Variants in MCC observed in about 807,000 individuals in gnomAD.
The protein encoded by MCC is colorectal mutant cancer protein.
Under a neutral mutation model 116.2 loss-of-function variants are expected in MCC, and 90 were observed. The observed-to-expected ratio is 0.77, with a 90% CI of 0.65 to 0.92. The LOEUF (loss-of-function observed/expected upper bound fraction) is 0.92, where lower values mean the gene tolerates loss of function less well. Ranked by LOEUF, MCC falls within the 40% of genes least tolerant of loss-of-function variation. The pLI is 0.00. For missense variants in MCC, 1,516 were observed against 1,312.2 expected, an observed-to-expected ratio of 1.16 and a Z score of -2.40; for synonymous variants, 578 against 510.5, an observed-to-expected ratio of 1.13 and a Z score of -1.78.
At chr5:113,074,501 C>T (rs62374676) in intron 11 of MCC, among the ~76,000 whole-genome samples, 2,433 of 152,288 alleles carry the variant, frequency 0.016, 49 homozygotes, top group African/African-American at 0.041. Context: ...GACAGCTCCT[C>T]GCCAGCAATG....
intron 3 of MCC, among the ~76,000 whole-genome samples, chr5:113,174,247 A>G (rs770860322): frequency 3.3e-5 from 5 of 152,112 alleles, no homozygotes; most frequent in Non-Finnish European, 7.4e-5. Flanking sequence ...AATGTTCCCA[A>G]CCTGTCTTCT....
chr5:113,351,431 G>A (rs1006093782), intron 2 of MCC, among the ~76,000 whole-genome samples: 27 of 152,216 alleles, frequency 1.8e-4, no homozygotes, highest in African/African-American at 6.3e-4. Context: ...AATGAAATAA[G>A]CCAGGCACAG....
chr5:113,184,563 A>G (rs1040125723), intron 3 of MCC, among the ~76,000 whole-genome samples: 1 of 149,452 alleles, frequency 6.7e-6, no homozygotes, highest in Non-Finnish European at 1.5e-5. Flanking sequence ...CCTGGGATCA[A>G]GCAATCCTCC....
intron 4 of MCC, among the ~76,000 whole-genome samples, chr5:113,148,046 T>A (rs1157286606): frequency 6.6e-6 from 1 of 152,192 alleles, no homozygotes; most frequent in Non-Finnish European, 1.5e-5. Flanking sequence ...GTTTGACATA[T>A]CTCCTTCTGA....
chr5:113,301,545 G>T (rs1473381620), intron 3 of MCC, among the ~76,000 whole-genome samples: 1 of 152,124 alleles, frequency 6.6e-6, no homozygotes, highest in African/African-American at 2.4e-5. Context: ...AAAGATAGTT[G>T]TAGTTTGTGT....
At chr5:113,197,444 C>T (rs1032706097) in intron 3 of MCC, among the ~76,000 whole-genome samples, 9 of 152,104 alleles carry the variant, frequency 5.9e-5, no homozygotes, top group African/African-American at 2.2e-4. Flanking sequence ...CAACTCTGAA[C>T]ACACTAAAAA....
At chr5:113,367,015 C>T (rs373431004) in intron 2 of MCC, among the ~76,000 whole-genome samples, 6 of 152,062 alleles carry the variant, frequency 3.9e-5, no homozygotes, top group Admixed American at 1.3e-4. Flanking sequence ...GTTGCCCAGA[C>T]TGGTCTCGAA....
intron 5 of MCC, among the ~76,000 whole-genome samples, chr5:113,138,442 A>G (rs1442231478): frequency 6.6e-6 from 1 of 152,228 alleles, no homozygotes; most frequent in Middle Eastern, 3.2e-3. Context: ...GTGCCCTCAT[A>G]TGAAGATACA....
At chr5:113,283,847 T>C (rs1328538462) in intron 3 of MCC, among the ~76,000 whole-genome samples, 2 of 152,228 alleles carry the variant, frequency 1.3e-5, no homozygotes, top group Non-Finnish European at 2.9e-5. Context: ...CACTTACATG[T>C]GTAAACTTAG....
intron 8 of MCC, among the ~76,000 whole-genome samples, chr5:113,093,268 G>C (rs1755768134): frequency 6.6e-6 from 1 of 152,142 alleles, no homozygotes; most frequent in Non-Finnish European, 1.5e-5. Flanking sequence ...TCTCTGTCCT[G>C]AGTGCCAAAT....
At chr5:113,071,373 C>T (rs906721326) in intron 11 of MCC, 139 bp from the exon 12 acceptor site, 20 of 836,326 alleles carry the variant, frequency 2.4e-5, no homozygotes, top group Non-Finnish European at 2.7e-5. Flanking sequence ...AGTATTTTGT[C>T]AAAGAAGCAA....
intron 2 of MCC, among the ~76,000 whole-genome samples, chr5:113,353,581 C>T (rs1405150120): frequency 7.9e-5 from 12 of 152,150 alleles, no homozygotes. Context: ...CACAGATATA[C>T]GTAAACATTT....
chr5:113,427,850 A>T (rs1219700655), intron 1 of MCC, among the ~76,000 whole-genome samples: 1 of 152,216 alleles, frequency 6.6e-6, no homozygotes, highest in African/African-American at 2.4e-5. Context: ...TTCATACAAA[A>T]GTGAACTATA....
chr5:113,418,981 T>C (rs921953470), intron 1 of MCC, among the ~76,000 whole-genome samples: 13 of 151,830 alleles, frequency 8.6e-5, no homozygotes, highest in Non-Finnish European at 1.6e-4. Flanking sequence ...ACTGAACAAT[T>C]AAGGGTATGC....
intron 2 of MCC, among the ~76,000 whole-genome samples, chr5:113,379,373 C>T (rs1314279687): frequency 1.3e-5 from 2 of 152,182 alleles, no homozygotes; most frequent in Non-Finnish European, 2.9e-5. Context: ...CGATTATATA[C>T]TGAAAACCTG....
chr5:113,339,438 T>TGTGTGTGCGCGC (rs145838279), intron 3 of MCC, among the ~76,000 whole-genome samples: 12,914 of 149,490 alleles, frequency 0.086, 667 homozygotes, highest in Non-Finnish European at 0.12. Flanking sequence ...TGTGTGTGTG[T>TGTGTGTGCGCGC]GCGTGCATGT....
At chr5:113,273,960 A>T (rs1765713481) in intron 3 of MCC, among the ~76,000 whole-genome samples, 1 of 152,152 alleles carries the variant, frequency 6.6e-6, no homozygotes, top group South Asian at 2.1e-4. Flanking sequence ...TCCTCTCAGG[A>T]TATTATGTGT....
rs10040770 is a variant in MCC at position 113,295,570 on chromosome 5, T to A, written c.627+44949A>T. On this transcript the variant is annotated intron_variant, in intron 3 of 18. Coordinates refer to ENST00000408903, the MANE Select transcript of MCC (RefSeq NM_001085377.2). ...TCCCCAACCCCCAGACCTTCCTTAA[T>A]TGAGCGGAGGTAGAGTTGTATTTAT... Among the ~76,000 whole-genome samples the A allele has an allele frequency of 3.0e-3, 462 of 152,104 alleles. 4 individuals carry two copies. The highest frequency in any genetic ancestry group is 0.011 in the African/African-American group (443 of 41,500).
chr5:113,476,057 T>A lies in MCC; in HGVS notation c.170+12188A>T, dbSNP rs1772226303. 3.3e-5 allele frequency among the ~76,000 whole-genome samples: 5 copies of A among 152,176 alleles called. No homozygotes were observed. In the South Asian group the frequency reaches 1.0e-3, roughly 32 times the overall value. ...TCAAAATAAAAAGACTGTAAAATGA[T>A]CCTGTGGGCCAGAGGAAAAATCAAA... On this transcript the variant is annotated intron_variant, in intron 1 of 18. Coordinates refer to ENST00000408903, the MANE Select transcript of MCC (RefSeq NM_001085377.2).
Sources: allele counts gnomAD v4.1 joint callset (sites outside exome capture counted in the v4.1 genomes callset), GRCh38; gene constraint gnomAD v4.1.1; transcripts MANE v1.5; gene names NCBI Gene and HGNC (gene_info 2026-07-23, HGNC 2026-07-21).